The following CRK variants were observed in gnomAD, a reference collection of about 807,000 sequenced individuals.
CRK encodes the protein CRK proto-oncogene, adaptor protein, also known as adapter molecule crk.
CRK carries 4 observed loss-of-function variants against 29.8 expected under a neutral mutation model. The ratio of observed to expected loss-of-function variants is 0.13; its 90% CI spans 0.07 to 0.31. The LOEUF (loss-of-function observed/expected upper bound fraction) is 0.31, where lower values mean the gene tolerates loss of function less well. Ranked by LOEUF, CRK falls within the 10% of genes least tolerant of loss-of-function variation. The pLI is 1.00. For synonymous variants in CRK, 153 were observed against 164.9 expected (o/e 0.93, Z 0.55); for missense variants, 274 against 396.5 (o/e 0.69, Z 2.62).
At chr17:1,431,858 T>G (rs1248840420) in intron 2 of CRK, among the ~76,000 whole-genome samples, 1 of 152,190 alleles carries the variant, frequency 6.6e-6, no homozygotes, top group South Asian at 2.1e-4. Flanking sequence ...AATCTGACAA[T>G]ACAAAGGAAT....
intron 1 of CRK, among the ~76,000 whole-genome samples, chr17:1,454,922 G>A (rs931007876): frequency 3.3e-5 from 5 of 152,174 alleles, no homozygotes. Context: ...ACCCAGCGCA[G>A]GTAATTTATG....
intron 1 of CRK, among the ~76,000 whole-genome samples, chr17:1,449,030 C>T (rs534817540): frequency 4.0e-4 from 61 of 152,260 alleles, no homozygotes; most frequent in African/African-American, 1.5e-3. Context: ...AGCAGTCTCA[C>T]GCTACCTCCA....
chr17:1,426,041 A>G (rs1343704306), intron 2 of CRK, among the ~76,000 whole-genome samples: 2 of 151,656 alleles, frequency 1.3e-5, no homozygotes, highest in African/African-American at 4.9e-5. Context: ...AAATTTAAAA[A>G]GCCAAGTGTG....
At chr17:1,424,049 G>A (rs750418905) in intron 2 of CRK, among the ~76,000 whole-genome samples, 4 of 151,268 alleles carry the variant, frequency 2.6e-5, no homozygotes, top group Non-Finnish European at 5.9e-5. Flanking sequence ...CCCTGTCCGA[G>A]GAGAAGCAGC....
At chr17:1,430,398 C>G (rs568991583) in intron 2 of CRK, among the ~76,000 whole-genome samples, 4 of 150,908 alleles carry the variant, frequency 2.7e-5, no homozygotes, top group African/African-American at 9.8e-5. Flanking sequence ...GCTCTGTCGC[C>G]CAGGCTGGAG....
chr17:1,449,503 C>T (rs1310908251), intron 1 of CRK, among the ~76,000 whole-genome samples: 1 of 152,100 alleles, frequency 6.6e-6, no homozygotes, highest in Non-Finnish European at 1.5e-5. Flanking sequence ...TATTTCCCTC[C>T]TTCACAGATG....
chr17:1,447,222 G>A (rs2150911807), intron 1 of CRK, among the ~76,000 whole-genome samples: 1 of 152,282 alleles, frequency 6.6e-6, no homozygotes, highest in South Asian at 2.1e-4. Flanking sequence ...GGAAAGGAAG[G>A]AGGCACAGTC....
chr17:1,453,120 C>T (rs1466009106), intron 1 of CRK, among the ~76,000 whole-genome samples: 2 of 152,072 alleles, frequency 1.3e-5, no homozygotes, highest in African/African-American at 4.8e-5. Flanking sequence ...GAGAAAAAGA[C>T]AGCAACTGAA....
chr17:1,439,349 G>A (rs995905475), intron 1 of CRK, among the ~76,000 whole-genome samples: 3 of 151,938 alleles, frequency 2.0e-5, no homozygotes, highest in African/African-American at 7.3e-5. Flanking sequence ...CACCCGCCTC[G>A]GCCTCCCAAA....
chr17:1,448,305 A>G (rs1320653400), intron 1 of CRK, among the ~76,000 whole-genome samples: 1 of 152,044 alleles, frequency 6.6e-6, no homozygotes, highest in African/African-American at 2.4e-5. Flanking sequence ...ATGGGGTCAA[A>G]TACCTATCTA....
At chr17:1,441,827 C>CA (rs1312409284) in intron 1 of CRK, among the ~76,000 whole-genome samples, 1 of 151,748 alleles carries the variant, frequency 6.6e-6, no homozygotes, top group Admixed American at 6.6e-5. Context: ...TTTATAGAGA[C>CA]AGTGTCTTGC....
At position 1,427,770 on chromosome 17, in the gene CRK, C is replaced by T. The variant is rs1598293422; in HGVS notation, c.778-4120G>A. Among the ~76,000 whole-genome samples the T allele has an allele frequency of 5.3e-5, 8 of 151,698 alleles. 1 individual carries two copies. In the South Asian group the frequency reaches 1.7e-3, roughly 32 times the overall value. On this transcript the variant is annotated intron_variant, in intron 2 of 2. Transcript: ENST00000300574. ...TCAGGCTCTCAAGTAGCTGGGACGA[C>T]AAGCACAAGCCACCATGCCCAGCCA...
intron 2 of CRK, among the ~76,000 whole-genome samples, chr17:1,433,508 GCTT>G (rs2073862153): frequency 8.7e-6 from 1 of 114,368 alleles, no homozygotes; most frequent in African/African-American, 3.6e-5. Flanking sequence ...ACCACGCCTG[GCTT>G]TTTTTTTTTT....
At chr17:1,429,681 T>G (rs2073818600) in intron 2 of CRK, among the ~76,000 whole-genome samples, 1 of 151,414 alleles carries the variant, frequency 6.6e-6, no homozygotes, top group Non-Finnish European at 1.5e-5. Context: ...ATCCCAGTGC[T>G]TTGTGAGGCC....
chr17:1,430,791 G>C (rs1360861874), intron 2 of CRK, among the ~76,000 whole-genome samples: 2 of 151,864 alleles, frequency 1.3e-5, no homozygotes, highest in African/African-American at 4.8e-5. Flanking sequence ...CCTATGGCCG[G>C]GCGCTGTGGC....
chr17:1,436,711 G>C lies in CRK; in HGVS notation c.686C>G (p.Pro229Arg). The C allele has an allele frequency of 6.2e-7, 1 of 1,610,954 alleles. No homozygotes were observed. The highest frequency in any genetic ancestry group is 8.5e-7 in the Non-Finnish European group (1 of 1,178,754). ...GGGCCCATTCTGGAGGTTAGGGAGC[G>C]GAGTGTTGACGCTGGGTTGGGCATA... ...GPYAQPSVNT[P>R]LPNLQNGPIY... The change falls in exon 2 of 3, where the codon CCG becomes CGG. Residue 229 changes from proline (P) to arginine (R), a missense_variant. Coordinates refer to ENST00000300574, the MANE Select transcript of CRK (RefSeq NM_016823.4).
At chr17:1,436,553 G>A in intron 2 of CRK, 67 bp downstream of exon 2, 6 of 1,504,198 alleles carry the variant, frequency 4.0e-6, no homozygotes, top group Non-Finnish European at 5.3e-6. Context: ...TTGCTACAAA[G>A]CTCTAAGAGG....
intron 1 of CRK, among the ~76,000 whole-genome samples, chr17:1,455,167 G>A (rs1409379013): frequency 6.6e-6 from 1 of 152,178 alleles, no homozygotes; most frequent in Non-Finnish European, 1.5e-5. Flanking sequence ...TCTAACGGCG[G>A]ACAGTCTTCT....
rs774013944 is a variant in CRK at position 1,436,612 on chromosome 17, T to C, written c.777+8A>G. The C allele has an allele frequency of 1.9e-6, 3 of 1,592,828 alleles. No homozygotes were observed. The highest frequency in any genetic ancestry group is 2.6e-6 in the Non-Finnish European group (3 of 1,171,844). On this transcript the variant is annotated splice_region_variant and intron_variant, in intron 2 of 2. Coordinates refer to ENST00000300574, the MANE Select transcript of CRK (RefSeq NM_016823.4). ...ATCTCTTCTTTCTACATTGTGCACG[T>C]TATGTACCTCCAAAGCCAAGGCTGT... is the stretch of plus-strand genomic sequence containing the variant.
Sources: gnomAD v4.1 joint callset for allele counts (sites outside exome capture counted in the v4.1 genomes callset) on GRCh38, gnomAD v4.1.1 for gene constraint, MANE v1.5 for transcripts, NCBI Gene and HGNC (gene_info 2026-07-23, HGNC 2026-07-21) for gene names.